The following SMAD4 variants were observed in gnomAD, a reference collection of about 807,000 sequenced individuals.
SMAD4 encodes MAD homolog 4.
SMAD4 carries 7 observed loss-of-function variants against 63.2 expected under a neutral mutation model. The ratio of observed to expected loss-of-function variants is 0.11; its 90% CI spans 0.06 to 0.21. The LOEUF (loss-of-function observed/expected upper bound fraction) is 0.21. Among genes scored for constraint, SMAD4 ranks in the 10% least tolerant of loss-of-function variants. SMAD4 has a pLI of 1.00. For missense variants in SMAD4, 312 were observed against 693.8 expected, an observed-to-expected ratio of 0.45 and a Z score of 6.18; for synonymous variants, 215 against 235.4, an observed-to-expected ratio of 0.91 and a Z score of 0.79.
chr18:51,066,915 CTTTAT>C, intron 9 of SMAD4, 99 bp from the exon 10 acceptor site: 1 of 914,892 alleles, frequency 1.1e-6, no homozygotes, highest in Non-Finnish European at 1.7e-6. Flanking sequence ...TTTATGTGAT[CTTTAT>C]TTTTAATTTT....
chr18:51,078,021 C>CT (rs1910513072), intron 11 of SMAD4, among the ~76,000 whole-genome samples: 1 of 152,274 alleles, frequency 6.6e-6, no homozygotes, highest in South Asian at 2.1e-4. Context: ...TGGTAATTTA[C>CT]TTTATAATTG....
In SMAD4 at chr18:51,083,307, C is replaced by T. The variant is rs1308807787; in HGVS notation, c.*4840C>T. 1 of 227,802 alleles carries T rather than the reference C, an allele frequency of 4.4e-6. No homozygotes were observed. Among genetic ancestry groups the T allele is most frequent in the Non-Finnish European group, 8.7e-6 (1 of 114,820 alleles). The allele number at this position is 227,802 out of a possible 1,614,324, so 14.1% of individuals were successfully genotyped here. A position where few individuals can be genotyped will look rare whatever the true frequency, so the allele number is the denominator to read the frequency against. On this transcript the variant is annotated 3_prime_UTR_variant, in exon 12 of 12. Coordinates refer to ENST00000342988, the MANE Select transcript of SMAD4 (RefSeq NM_005359.6). ...TGAAGCCCTGCCTTCTGGCCTTACT[C>T]CTGTACAGATATTTTTGACCTATAG... is the stretch of plus-strand genomic sequence containing the variant.
intron 10 of SMAD4, among the ~76,000 whole-genome samples, chr18:51,068,019 A>G (rs1226686074): frequency 6.6e-6 from 1 of 152,220 alleles, no homozygotes; most frequent in Non-Finnish European, 1.5e-5. Context: ...ATTGTGTGTC[A>G]TCCTCAACAT....
intron 10 of SMAD4, among the ~76,000 whole-genome samples, chr18:51,075,093 A>C (rs895349834): frequency 6.6e-6 from 1 of 152,194 alleles, no homozygotes; most frequent in Non-Finnish European, 1.5e-5. Flanking sequence ...ATGTCTGTTT[A>C]AAGAATAGGG....
chr18:51,041,508 C>T (rs992248875), intron 1 of SMAD4, among the ~76,000 whole-genome samples: 2 of 152,208 alleles, frequency 1.3e-5, no homozygotes, highest in African/African-American at 2.4e-5. Flanking sequence ...TTAGCAGCAA[C>T]CATGGCCTTT....
chr18:51,034,966 C>T (rs1909161715), intron 1 of SMAD4, among the ~76,000 whole-genome samples: 1 of 152,214 alleles, frequency 6.6e-6, no homozygotes. Context: ...CAGGTTAGCC[C>T]TCCGCAGTGA....
chr18:51,070,265 A>G (rs1910281845), intron 10 of SMAD4, among the ~76,000 whole-genome samples: 1 of 152,212 alleles, frequency 6.6e-6, no homozygotes, highest in Non-Finnish European at 1.5e-5. Context: ...AATTTCTTGG[A>G]TGTCAAATAG....
chr18:51,077,072 C>T (rs895346130), intron 11 of SMAD4: 5 of 207,426 alleles, frequency 2.4e-5, no homozygotes, highest in African/African-American at 4.6e-5. Flanking sequence ...ATAATTCTGC[C>T]TCACCAGCCA....
At chr18:51,046,679 T>G (rs1909552987) in intron 1 of SMAD4, among the ~76,000 whole-genome samples, 1 of 152,072 alleles carries the variant, frequency 6.6e-6, no homozygotes, top group African/African-American at 2.4e-5. Flanking sequence ...AGACCTAACT[T>G]TAATATTTTT....
chr18:51,033,770 A>G (rs1369886329), intron 1 of SMAD4, among the ~76,000 whole-genome samples: 1 of 152,210 alleles, frequency 6.6e-6, no homozygotes, highest in Non-Finnish European at 1.5e-5. Flanking sequence ...CTCAGGAACA[A>G]GGTATTTTAG....
At chr18:51,046,414 C>T (rs1427511178) in intron 1 of SMAD4, among the ~76,000 whole-genome samples, 3 of 146,062 alleles carry the variant, frequency 2.1e-5, no homozygotes, top group Non-Finnish European at 3.0e-5. Context: ...CTTTAGAATC[C>T]TTTTGTTCAT....
Position 51,084,156 on chromosome 18 carries a change from A to G in SMAD4, c.*5689A>G, listed in dbSNP as rs921258760. On this transcript the variant is annotated 3_prime_UTR_variant, in exon 12 of 12. Coordinates refer to ENST00000342988, the MANE Select transcript of SMAD4 (RefSeq NM_005359.6). Reference sequence around the variant, plus strand: ...TTTATTAAGGCTTTCGAGTCATGACATTATAGCTTTTGAGTTGGTGTGTGT... The same window carrying G: ...TTTATTAAGGCTTTCGAGTCATGACGTTATAGCTTTTGAGTTGGTGTGTGT... 1.6e-4 allele frequency: 35 copies of G among 221,494 alleles called. No homozygotes were observed. The highest frequency in any genetic ancestry group is 2.6e-3 in the Middle Eastern group (2 of 760). The allele number at this position is 221,494 out of a possible 1,614,324, so 13.7% of individuals were successfully genotyped here.
Position 51,081,968 on chromosome 18 carries a change from TCA to T in SMAD4, c.*3505_*3506del. ...CCATTTTATGCAGAGTCACATTAGT[TCA>T]CACCCTTTCTGAGAGCCTTTTGGGA... On this transcript the variant is annotated 3_prime_UTR_variant, in exon 12 of 12. Coordinates refer to ENST00000342988, the MANE Select transcript of SMAD4 (RefSeq NM_005359.6). The T allele has an allele frequency of 4.3e-6, 1 of 232,022 alleles. No individual in the cohort carries two copies. Among genetic ancestry groups the T allele is most frequent in the East Asian group, 6.1e-5 (1 of 16,340 alleles). 14.4% of individuals were successfully genotyped at this position (232,022 alleles called of 1,614,324 possible).
At position 51,054,628 on chromosome 18, in the gene SMAD4, T is replaced by C. The variant is rs569300819; in HGVS notation, c.455-153T>C. 9 of 619,418 alleles carry C rather than the reference T, an allele frequency of 1.5e-5. No homozygotes were observed. The South Asian group carries it at 1.8e-4, about 12-fold the overall frequency. 38.4% of individuals were successfully genotyped at this position (619,418 alleles called of 1,614,324 possible). ...AATGACTTTTGCTGGTAAAGTAGTA[T>C]GCTTTTAAAATAATATGAAAAAATT... On this transcript the variant is annotated intron_variant, in intron 4 of 11. Transcript: ENST00000342988.
At chr18:51,062,851 GTTTTTTTT>G (rs71171374) in intron 8 of SMAD4, among the ~76,000 whole-genome samples, 17 of 65,388 alleles carry the variant, frequency 2.6e-4, no homozygotes, top group Non-Finnish European at 4.0e-4. Context: ...GGCTTTACTT[GTTTTTTTT>G]TTTTTTTTTT....
chr18:51,070,506 A>C (rs951520252), intron 10 of SMAD4, among the ~76,000 whole-genome samples: 1 of 152,236 alleles, frequency 6.6e-6, no homozygotes, highest in African/African-American at 2.4e-5. Flanking sequence ...CTGTTTACCA[A>C]GTATATTACT....
At position 51,047,035 on chromosome 18, in the gene SMAD4, A is replaced by G. The variant is rs2144400019; in HGVS notation, c.-12A>G. On this transcript the variant is annotated 5_prime_UTR_variant, in exon 2 of 12. Transcript: ENST00000342988. ...GGAGACATATTTGATTTAAAAGGAAAAACTTGAACAAATGGACAATATGTC... is the reference window on the plus strand; with the variant it reads ...GGAGACATATTTGATTTAAAAGGAAGAACTTGAACAAATGGACAATATGTC... The G allele has an allele frequency of 6.2e-7, 1 of 1,612,966 alleles. No individual in the cohort carries two copies. Among genetic ancestry groups the G allele is most frequent in the Non-Finnish European group, 8.5e-7 (1 of 1,179,074 alleles).
chr18:51,068,526 A>G (rs1207875989), intron 10 of SMAD4, among the ~76,000 whole-genome samples: 5 of 152,230 alleles, frequency 3.3e-5, no homozygotes, highest in Admixed American at 3.3e-4. Context: ...ATTTTCAACA[A>G]TAGAGCATCA....
chr18:51,082,488 T>C lies in SMAD4; in HGVS notation c.*4021T>C, dbSNP rs1910633693. 4.4e-6 allele frequency: 1 copy of C among 229,468 alleles called. No homozygotes were observed. Among genetic ancestry groups the C allele is most frequent in the Admixed American group, 5.7e-5 (1 of 17,672 alleles). The allele number at this position is 229,468 out of a possible 1,614,324, so 14.2% of individuals were successfully genotyped here. On this transcript the variant is annotated 3_prime_UTR_variant, in exon 12 of 12. Transcript: ENST00000342988. ...GCTGCTAGGTTGCTTATCTTGTTTA[T>C]CTGGAATCACTGTGGAGTGAAATTT...
Sources: gnomAD v4.1 joint callset for allele counts (sites outside exome capture counted in the v4.1 genomes callset) on GRCh38, gnomAD v4.1.1 for gene constraint, MANE v1.5 for transcripts, NCBI Gene and HGNC (gene_info 2026-07-23, HGNC 2026-07-21) for gene names.